Variants in ADARB2 observed in about 807,000 individuals in gnomAD.
ADARB2 encodes the protein inactive double-stranded RNA-specific editase B2.
Under a neutral mutation model 62.2 loss-of-function variants are expected in ADARB2, and 25 were observed. The ratio of observed to expected loss-of-function variants is 0.40; its 90% CI spans 0.29 to 0.56. The LOEUF is 0.56. Ranked by LOEUF, ADARB2 falls within the 20% of genes least tolerant of loss-of-function variation. ADARB2 has a pLI of 0.43. For missense variants in ADARB2, 1,071 were observed against 1,077.4 expected, an observed-to-expected ratio of 0.99 and a Z score of 0.08; for synonymous variants, 572 against 500.8, an observed-to-expected ratio of 1.14 and a Z score of -1.90.
At position 1,437,941 on chromosome 10, in the gene ADARB2, G is replaced by T. The variant is rs554883812; in HGVS notation, c.101-58781C>A. On this transcript the variant is annotated intron_variant, in intron 1 of 9. Coordinates refer to ENST00000381312, the MANE Select transcript of ADARB2 (RefSeq NM_018702.4). The stretch of plus-strand genomic sequence containing the variant: ...TTCAACGCGAGGCTCCCCACCTGGG[G>T]TCTCACTTCTTAGGAACATTATGCC... 1.2e-4 allele frequency among the ~76,000 whole-genome samples: 18 copies of T among 152,336 alleles called. No individual in the cohort carries two copies. In the South Asian group the frequency reaches 2.3e-3, roughly 19 times the overall value.
At position 1,203,237 on chromosome 10, in the gene ADARB2, TG is replaced by T. The variant is rs372250455; in HGVS notation, c.1683-3091del. ...CAGTCATTGAAATACCACAGATAAG[TG>T]GGGAAGGTCTTGGAAAAAGGCTGCC... is the stretch of plus-strand genomic sequence containing the variant. On this transcript the variant is annotated intron_variant, in intron 7 of 9. Coordinates refer to ENST00000381312, the MANE Select transcript of ADARB2 (RefSeq NM_018702.4). Among the ~76,000 whole-genome samples, 1,270 of 152,244 alleles carry T rather than the reference TG, an allele frequency of 8.3e-3. 27 individuals are homozygous for T. Among genetic ancestry groups the T allele is most frequent in the African/African-American group, 0.029 (1,213 of 41,544 alleles).
intron 1 of ADARB2, among the ~76,000 whole-genome samples, chr10:1,644,705 C>T (rs1013593807): frequency 2.7e-4 from 41 of 152,260 alleles, no homozygotes; most frequent in African/African-American, 9.4e-4. Flanking sequence ...ATGGAGTCTC[C>T]TGCTGCTGAT....
chr10:1,604,245 GTATA>G (rs1184645041), intron 1 of ADARB2, among the ~76,000 whole-genome samples: 1 of 141,938 alleles, frequency 7.0e-6, no homozygotes, highest in Non-Finnish European at 1.6e-5. Flanking sequence ...GCCTTATAAA[GTATA>G]AACAATAAAC....
At chr10:1,211,665 T>C (rs1328927041) in intron 7 of ADARB2, among the ~76,000 whole-genome samples, 2 of 152,204 alleles carry the variant, frequency 1.3e-5, no homozygotes, top group East Asian at 3.9e-4. Context: ...CTTTCCAATT[T>C]CCATGGTGTA....
At chr10:1,734,261 A>C (rs1835271959) in intron 1 of ADARB2, among the ~76,000 whole-genome samples, 9 of 151,634 alleles carry the variant, frequency 5.9e-5, no homozygotes, top group Admixed American at 5.9e-4. Flanking sequence ...GTTCCTGCCA[A>C]ATAATACCTG....
At chr10:1,724,840 C>T (rs1249871530) in intron 1 of ADARB2, among the ~76,000 whole-genome samples, 3 of 152,144 alleles carry the variant, frequency 2.0e-5, no homozygotes, top group African/African-American at 7.2e-5. Flanking sequence ...TGTGGACAGC[C>T]ACAATGCCTG....
intron 1 of ADARB2, among the ~76,000 whole-genome samples, chr10:1,413,854 T>G (rs1832779624): frequency 6.6e-6 from 1 of 152,214 alleles, no homozygotes; most frequent in Admixed American, 6.5e-5. Context: ...CCATGATGGA[T>G]AGAAAAGTTT....
intron 1 of ADARB2, among the ~76,000 whole-genome samples, chr10:1,659,317 GC>G (rs1170543062): frequency 4.6e-5 from 7 of 152,226 alleles, no homozygotes; most frequent in Non-Finnish European, 1.0e-4. Flanking sequence ...TTCCTGGCCT[GC>G]CCCGGGCTCC....
chr10:1,516,516 G>T (rs1378369128), intron 1 of ADARB2, among the ~76,000 whole-genome samples: 1 of 151,272 alleles, frequency 6.6e-6, no homozygotes, highest in African/African-American at 2.4e-5. Context: ...TGTGCGGGCT[G>T]CTCTGTGCTG....
intron 4 of ADARB2, among the ~76,000 whole-genome samples, chr10:1,253,518 G>T (rs1303653987): frequency 6.6e-6 from 1 of 152,204 alleles, no homozygotes; most frequent in Non-Finnish European, 1.5e-5. Flanking sequence ...ATTTCCATTT[G>T]TTTATCCATC....
At chr10:1,685,095 C>A (rs576967762) in intron 1 of ADARB2, among the ~76,000 whole-genome samples, 37 of 152,164 alleles carry the variant, frequency 2.4e-4, no homozygotes, top group Non-Finnish European at 4.6e-4. Context: ...TCTGGAGGGC[C>A]AGCAGTAATG....
intron 1 of ADARB2, among the ~76,000 whole-genome samples, chr10:1,396,328 G>A (rs1242613961): frequency 1.3e-5 from 2 of 152,130 alleles, no homozygotes; most frequent in Admixed American, 1.3e-4. Context: ...GCAGCTGCAC[G>A]GGTGGGCGCC....
chr10:1,665,717 G>A (rs549875792), intron 1 of ADARB2, among the ~76,000 whole-genome samples: 106 of 152,358 alleles, frequency 7.0e-4, no homozygotes, highest in Non-Finnish European at 1.4e-3. Flanking sequence ...TGATGGCACA[G>A]GCCGGGGTCC....
intron 1 of ADARB2, among the ~76,000 whole-genome samples, chr10:1,513,378 C>T (rs1831963283): frequency 6.6e-6 from 1 of 152,204 alleles, no homozygotes. Flanking sequence ...AGGCCTGTTT[C>T]CTGAAGCCGG....
At chr10:1,305,558 C>G (rs1831619151) in intron 3 of ADARB2, among the ~76,000 whole-genome samples, 1 of 152,114 alleles carries the variant, frequency 6.6e-6, no homozygotes, top group African/African-American at 2.4e-5. Context: ...TTTAGGAGGC[C>G]AGCATCATTC....
At chr10:1,440,172 T>C (rs1178448795) in intron 1 of ADARB2, among the ~76,000 whole-genome samples, 2 of 147,582 alleles carry the variant, frequency 1.4e-5, no homozygotes, top group Admixed American at 6.7e-5. Flanking sequence ...CTATGGGGCT[T>C]CTGAGTCTCC....
intron 1 of ADARB2, among the ~76,000 whole-genome samples, chr10:1,413,542 C>T (rs543647672): frequency 2.6e-5 from 4 of 152,266 alleles, no homozygotes; most frequent in South Asian, 4.1e-4. Context: ...TGCACCTGCT[C>T]GGGTCTAACC....
chr10:1,217,248 A>G (rs760139971), intron 6 of ADARB2, 129 bp from the exon 7 acceptor site: 41 of 958,278 alleles, frequency 4.3e-5, no homozygotes, highest in Non-Finnish European at 5.8e-5. Context: ...TGGCACGAGG[A>G]AGGGGCTTCA....
At chr10:1,290,155 C>G (rs563467467) in intron 3 of ADARB2, 1 of 152,276 alleles carries the variant, frequency 6.6e-6, no homozygotes, top group African/African-American at 2.4e-5. Flanking sequence ...GGCTGAGTCT[C>G]TCTTGGTGCC....
Sources: gnomAD v4.1 joint callset for allele counts (sites outside exome capture counted in the v4.1 genomes callset) on GRCh38, gnomAD v4.1.1 for gene constraint, MANE v1.5 for transcripts, NCBI Gene and HGNC (gene_info 2026-07-23, HGNC 2026-07-21) for gene names.